Variants in SP1 observed in about 807,000 individuals in gnomAD.
The protein encoded by SP1 is transcription factor Sp1.
In SP1, 6 loss-of-function variants were observed where a neutral mutation model predicts 66.3. That is an observed-to-expected ratio of 0.09 (90% confidence interval 0.05 to 0.18). The LOEUF (loss-of-function observed/expected upper bound fraction) is 0.18. SP1 is among the 10% of genes least tolerant of loss of function. The probability of loss-of-function intolerance (pLI) is 1.00; values close to 1 mark genes in which losing one functional copy is unlikely to be tolerated. For synonymous variants in SP1, 417 were observed against 360.8 expected (o/e 1.16, Z -1.77); for missense variants, 848 against 964.5 (o/e 0.88, Z 1.60).
intron 3 of SP1, among the ~76,000 whole-genome samples, chr12:53,386,319 A>T (rs1938229136): frequency 6.6e-6 from 1 of 152,002 alleles, no homozygotes; most frequent in South Asian, 2.1e-4. Flanking sequence ...TAGGATTGAG[A>T]AGAGTTAGGA....
In SP1 at chr12:53,414,979, C is replaced by T. The variant is rs1416792293; in HGVS notation, c.*3739C>T. ...TTTGCATAGCTCTCCTTCCCCCTCA[C>T]TGAAGCTGGGTAGCCTATTGGGGTT... is the stretch of plus-strand genomic sequence containing the variant. On this transcript the variant is annotated 3_prime_UTR_variant, in exon 6 of 6. Coordinates refer to ENST00000327443, the MANE Select transcript of SP1 (RefSeq NM_138473.3). The T allele has an allele frequency of 1.3e-5, 2 of 152,584 alleles. No individual in the cohort carries two copies. The highest frequency in any genetic ancestry group is 4.8e-5 in the African/African-American group (2 of 41,432). 9.5% of individuals were successfully genotyped at this position (152,584 alleles called of 1,614,324 possible).
intron 4 of SP1, 88 bp from the exon 5 acceptor site, chr12:53,409,274 G>A (rs1336484644): frequency 9.4e-7 from 1 of 1,061,848 alleles, no homozygotes; most frequent in Non-Finnish European, 1.4e-6. Flanking sequence ...GGGTTAGTTT[G>A]GTGTCGATTG....
rs541848815 is a variant in SP1 at position 53,410,482 on chromosome 12, A to G, written c.2045-445A>G. On this transcript the variant is annotated intron_variant, in intron 5 of 5. Transcript: ENST00000327443. The stretch of plus-strand genomic sequence containing the variant: ...TAGTTTTCTTCCTCACGCCCCCGCC[A>G]AAAGGAAAATATACTTGAAGTTTTT... Among the ~76,000 whole-genome samples, 10 of 152,062 alleles carry G rather than the reference A, an allele frequency of 6.6e-5. No homozygotes were observed. In the South Asian group the frequency reaches 1.9e-3, roughly 28 times the overall value.
At position 53,380,298 on chromosome 12, in the gene SP1, G is replaced by C; in HGVS notation, c.7G>C (p.Asp3His). 1.2e-6 allele frequency: 2 copies of C among 1,604,010 alleles called. No individual in the cohort carries two copies. The highest frequency in any genetic ancestry group is 2.2e-5 in the South Asian group (2 of 90,412). Reference sequence around the variant, plus strand: ...TTGTCCCTCAGCTGCCACCATGAGCGGTAAGGATGAGTCCACTCCAAGCTT... The same window carrying C: ...TTGTCCCTCAGCTGCCACCATGAGCCGTAAGGATGAGTCCACTCCAAGCTT... The part of the protein sequence containing the change: MS[D>H]QDHSMDEMTA... The change falls in exon 1 of 6, where the codon GAC (aspartate) becomes CAC (histidine). Residue 3 changes from aspartate (D) to histidine (H), a missense_variant and splice_region_variant. This residue lies in a region of SP1 where 84 missense variants were observed against 73.9 expected (regional missense o/e 1.14). Transcript: ENST00000327443.
rs1288178703 is a variant in SP1 at position 53,399,643 on chromosome 12, T to G, written c.1676-6942T>G. ...ACCGCGCCCTGCCTTATTTGTTTTA[T>G]TTTTTTTTTTGAGATGGAGTTTCAC... On this transcript the variant is annotated intron_variant, in intron 3 of 5. Transcript: ENST00000327443. Among the ~76,000 whole-genome samples the G allele has an allele frequency of 6.7e-3, 622 of 92,706 alleles. 2 individuals are homozygous for G. Among genetic ancestry groups the G allele is most frequent in the Non-Finnish European group, 0.012 (513 of 44,082 alleles). 60.8% of individuals were successfully genotyped at this position (92,706 alleles called of 152,430 possible).
intron 3 of SP1, among the ~76,000 whole-genome samples, chr12:53,397,574 T>G (rs975637483): frequency 7.0e-6 from 1 of 143,406 alleles, no homozygotes; most frequent in African/African-American, 2.6e-5. Flanking sequence ...AAGCGACTCT[T>G]TTTCCTTTTT....
intron 3 of SP1, among the ~76,000 whole-genome samples, chr12:53,389,316 G>T (rs1016421498): frequency 6.7e-6 from 1 of 149,554 alleles, no homozygotes; most frequent in Non-Finnish European, 1.5e-5. Context: ...TTGCCTCCTG[G>T]GTTCAAGCAA....
intron 1 of SP1, chr12:53,381,341 T>G (rs537448031): frequency 4.1e-5 from 8 of 195,962 alleles, no homozygotes; most frequent in African/African-American, 1.9e-4. Flanking sequence ...TTTTTTTCCC[T>G]TAGGATACTT....
intron 3 of SP1, among the ~76,000 whole-genome samples, chr12:53,390,113 G>A (rs1938314911): frequency 6.6e-6 from 1 of 152,060 alleles, no homozygotes; most frequent in South Asian, 2.1e-4. Context: ...ATGAAAAGTA[G>A]GTTTAGATGA....
intron 3 of SP1, among the ~76,000 whole-genome samples, chr12:53,386,732 G>C (rs1378923225): frequency 6.6e-6 from 1 of 151,754 alleles, no homozygotes; most frequent in African/African-American, 2.4e-5. Context: ...CAAGTGATCT[G>C]CCTGCCTTGG....
chr12:53,380,657 G>T, intron 1 of SP1: 1 of 992,798 alleles, frequency 1.0e-6, no homozygotes, highest in South Asian at 4.7e-5. Flanking sequence ...CCCCGCCCGG[G>T]CCAACCGCCT....
At chr12:53,407,450 G>A (rs1437701068) in intron 4 of SP1, among the ~76,000 whole-genome samples, 6 of 145,386 alleles carry the variant, frequency 4.1e-5, no homozygotes, top group Middle Eastern at 4.0e-3. Context: ...TCAGTCTCCC[G>A]AGTAGCTGGG....
intron 3 of SP1, among the ~76,000 whole-genome samples, chr12:53,387,542 GTTA>G (rs1938257938): frequency 6.6e-6 from 1 of 152,166 alleles, no homozygotes. Flanking sequence ...AGGGACTGAA[GTTA>G]TTTAGTACAA....
Position 53,382,379 on chromosome 12 carries a change from T to G in SP1, c.432T>G (p.Gly144=). 6.2e-7 allele frequency: 1 copy of G among 1,614,200 alleles called. No individual in the cohort carries two copies. Among genetic ancestry groups the G allele is most frequent in the Non-Finnish European group, 8.5e-7 (1 of 1,180,042 alleles). Residue 144 remains glycine (G), a synonymous_variant, in exon 3 of 6, where the codon GGT becomes GGG. Transcript: ENST00000327443. ...SESSKNRTVS[G]GQYVVAAAPN... ...CTTCCAAGAATCGCACAGTCTCTGGTGGGCAGTATGTTGTGGCTGCCGCTC... is the reference window on the plus strand; with the variant it reads ...CTTCCAAGAATCGCACAGTCTCTGGGGGGCAGTATGTTGTGGCTGCCGCTC...
chr12:53,406,937 G>T (rs1175211313), intron 4 of SP1, among the ~76,000 whole-genome samples, 184 bp downstream of exon 4: 1 of 151,048 alleles, frequency 6.6e-6, no homozygotes, highest in Non-Finnish European at 1.5e-5. Flanking sequence ...CCATTCTCCT[G>T]CCTCAGCCTC....
intron 3 of SP1, among the ~76,000 whole-genome samples, chr12:53,393,358 C>T (rs1938399563): frequency 6.6e-6 from 1 of 151,404 alleles, no homozygotes; most frequent in Admixed American, 6.6e-5. Flanking sequence ...GATCTCTGCT[C>T]ACCGCAACCT....
chr12:53,399,321 G>T (rs1320763515), intron 3 of SP1, among the ~76,000 whole-genome samples: 2 of 129,662 alleles, frequency 1.5e-5, no homozygotes, highest in Non-Finnish European at 3.2e-5. Flanking sequence ...GCTAATTTTT[G>T]TTTTTTTGTT....
chr12:53,394,605 GTCT>G (rs377215112), intron 3 of SP1, among the ~76,000 whole-genome samples: 2 of 114,024 alleles, frequency 1.8e-5, no homozygotes, highest in Non-Finnish European at 3.5e-5. Context: ...TGGAGATAAG[GTCT>G]TTTTTTTTTT....
intron 3 of SP1, among the ~76,000 whole-genome samples, chr12:53,404,352 A>T (rs941004129): frequency 3.9e-5 from 6 of 152,024 alleles, no homozygotes; most frequent in African/African-American, 1.4e-4. Context: ...GAAGATGGTG[A>T]AACCCCATCT....
Sources: gnomAD v4.1 joint callset for allele counts (sites outside exome capture counted in the v4.1 genomes callset) on GRCh38, gnomAD v4.1.1 for gene constraint, gnomAD v4.1.1 regional missense constraint, MANE v1.5 for transcripts, NCBI Gene and HGNC (gene_info 2026-07-23, HGNC 2026-07-21) for gene names.